The following FZD3 variants were observed in gnomAD, a reference collection of about 807,000 sequenced individuals.
The protein encoded by FZD3 is frizzled class receptor 3.
A neutral mutation model predicts 60.7 loss-of-function variants in FZD3; 30 were observed. That is an observed-to-expected ratio of 0.49 (90% CI 0.37 to 0.67). The LOEUF is 0.67. FZD3 is among the 30% of genes least tolerant of loss of function. The probability of loss-of-function intolerance (pLI) is 0.00; values close to 1 mark genes in which losing one functional copy is unlikely to be tolerated. For synonymous variants in FZD3, 246 were observed against 275.2 expected, an observed-to-expected ratio of 0.89 and a Z score of 1.05; for missense variants, 605 against 838.7, an observed-to-expected ratio of 0.72 and a Z score of 3.44.
At chr8:28,511,254 G>A (rs555502611) in intron 3 of FZD3, among the ~76,000 whole-genome samples, 4 of 152,156 alleles carry the variant, frequency 2.6e-5, no homozygotes, top group South Asian at 4.2e-4. Context: ...TTGGGAGGCC[G>A]AGGCAGGCGG....
chr8:28,519,396 G>T (rs1804512986), intron 3 of FZD3, among the ~76,000 whole-genome samples: 1 of 151,990 alleles, frequency 6.6e-6, no homozygotes, highest in Non-Finnish European at 1.5e-5. Context: ...TACAGCATTA[G>T]TTTGTTTACA....
chr8:28,558,003 G>A (rs1220637301), intron 7 of FZD3, among the ~76,000 whole-genome samples: 1 of 152,182 alleles, frequency 6.6e-6, no homozygotes, highest in East Asian at 1.9e-4. Flanking sequence ...GGATTCAGAG[G>A]AGGCAGTTGG....
intron 3 of FZD3, among the ~76,000 whole-genome samples, chr8:28,513,514 T>C (rs1299243597): frequency 6.6e-6 from 1 of 152,230 alleles, no homozygotes; most frequent in Non-Finnish European, 1.5e-5. Flanking sequence ...CCTATGGGAT[T>C]AAAGGCGTTT....
At position 28,564,816 on chromosome 8, in the gene FZD3, C is replaced by T. The variant is rs1478224965; in HGVS notation, c.*1805C>T. On this transcript the variant is annotated 3_prime_UTR_variant, in exon 8 of 8. Coordinates refer to ENST00000240093, the MANE Select transcript of FZD3 (RefSeq NM_017412.4). The stretch of plus-strand genomic sequence containing the variant: ...TGCTATTATAGTTTATGACCTTTAA[C>T]AATTTAACTCTCCGAGCCTCAGTTC... The T allele has an allele frequency of 1.3e-5, 2 of 152,312 alleles. No homozygotes were observed. Among genetic ancestry groups the T allele is most frequent in the East Asian group, 3.9e-4 (2 of 5,188 alleles). The allele number at this position is 152,312 out of a possible 1,614,324, so 9.4% of individuals were successfully genotyped here.
chr8:28,504,728 T>G (rs764459837), intron 3 of FZD3, among the ~76,000 whole-genome samples: 1 of 152,248 alleles, frequency 6.6e-6, no homozygotes. Flanking sequence ...TTCACAAATA[T>G]TAATTCTACT....
At chr8:28,526,192 T>TACAC (rs10685591) in intron 4 of FZD3, among the ~76,000 whole-genome samples, 1,954 of 151,050 alleles carry the variant, frequency 0.013, 20 homozygotes, top group African/African-American at 0.029. Context: ...TTAATGTTTA[T>TACAC]ACACACACAC....
intron 3 of FZD3, among the ~76,000 whole-genome samples, chr8:28,515,161 G>A (rs575064564): frequency 1.3e-5 from 2 of 152,322 alleles, no homozygotes; most frequent in South Asian, 4.1e-4. Flanking sequence ...GATAATATGT[G>A]TAAGGCATTT....
At chr8:28,512,758 T>C (rs1371658563) in intron 3 of FZD3, among the ~76,000 whole-genome samples, 1 of 152,102 alleles carries the variant, frequency 6.6e-6, no homozygotes, top group Non-Finnish European at 1.5e-5. Flanking sequence ...AGAGAGAATA[T>C]GTTGAAGGAG....
chr8:28,532,980 A>C (rs939995885), intron 5 of FZD3, among the ~76,000 whole-genome samples: 6 of 152,206 alleles, frequency 3.9e-5, no homozygotes, highest in Non-Finnish European at 8.8e-5. Flanking sequence ...GATTTTTGTA[A>C]GTTACCATTT....
At chr8:28,521,311 A>C (rs1161889194) in intron 4 of FZD3, among the ~76,000 whole-genome samples, 2 of 152,168 alleles carry the variant, frequency 1.3e-5, no homozygotes, top group African/African-American at 4.8e-5. Context: ...CAGTATATCG[A>C]CTATAAGCAT....
Position 28,559,211 on chromosome 8 carries a change from A to G in FZD3, c.1787+3240A>G, listed in dbSNP as rs189453024. 2.6e-5 allele frequency among the ~76,000 whole-genome samples: 4 copies of G among 152,292 alleles called. No individual in the cohort carries two copies. In the East Asian group the frequency reaches 7.7e-4, roughly 29 times the overall value. On this transcript the variant is annotated intron_variant, in intron 7 of 7. Coordinates refer to ENST00000240093, the MANE Select transcript of FZD3 (RefSeq NM_017412.4). Reference sequence around the variant, plus strand: ...TAAGAAAGTTTACAATCATCAATATAAGGTAGTTGGCAATTAAAATTGTGA... The same window carrying G: ...TAAGAAAGTTTACAATCATCAATATGAGGTAGTTGGCAATTAAAATTGTGA...
chr8:28,519,645 G>A (rs1351679993), intron 3 of FZD3, among the ~76,000 whole-genome samples: 3 of 150,590 alleles, frequency 2.0e-5, no homozygotes, highest in Non-Finnish European at 3.0e-5. Context: ...TGGGAGGATT[G>A]TTTGAGCCTA....
rs1563411045 is a variant in FZD3, at chr8:28,567,094, G to C, written c.*4083G>C. 6.6e-6 allele frequency: 1 copy of C among 152,126 alleles called. No homozygotes were observed. The highest frequency in any genetic ancestry group is 2.4e-5 in the African/African-American group (1 of 41,378). The allele number at this position is 152,126 out of a possible 1,614,324, so 9.4% of individuals were successfully genotyped here. On this transcript the variant is annotated 3_prime_UTR_variant, in exon 8 of 8. Coordinates refer to ENST00000240093, the MANE Select transcript of FZD3 (RefSeq NM_017412.4). ...ACTCCTAGGCTCAAGCAGTCCTCCAGCTTCAGCCTCCCAAGTAGCTAAGAC... is the reference window on the plus strand; with the variant it reads ...ACTCCTAGGCTCAAGCAGTCCTCCACCTTCAGCCTCCCAAGTAGCTAAGAC...
intron 5 of FZD3, among the ~76,000 whole-genome samples, chr8:28,550,594 C>T (rs973423798): frequency 4.1e-5 from 6 of 145,010 alleles, no homozygotes; most frequent in Non-Finnish European, 6.0e-5. Context: ...CTGGTTCAAG[C>T]GATTCTCCTA....
chr8:28,503,083 A>G lies in FZD3; in HGVS notation c.70A>G (p.Ser24Gly). The G allele has an allele frequency of 1.2e-6, 2 of 1,613,724 alleles. No homozygotes were observed. The highest frequency in any genetic ancestry group is 1.7e-6 in the Non-Finnish European group (2 of 1,179,636). Reference sequence around the variant, plus strand: ...GTTCATGGGGCATATAGGTGGGCACAGTTTGTTTTCTTGTGAACCTATTAC... The same window carrying G: ...GTTCATGGGGCATATAGGTGGGCACGGTTTGTTTTCTTGTGAACCTATTAC... ...TVFMGHIGGHSLFSCEPITLR... is the reference protein window; with the variant it reads ...TVFMGHIGGHGLFSCEPITLR... The change falls in exon 3 of 8, where the codon AGT becomes GGT. Residue 24 changes from serine (S) to glycine (G), a missense_variant. Coordinates refer to ENST00000240093, the MANE Select transcript of FZD3 (RefSeq NM_017412.4).
At chr8:28,498,856 TGCCCAGCCAGG>T (rs1169454861) in intron 1 of FZD3, among the ~76,000 whole-genome samples, 1 of 152,254 alleles carries the variant, frequency 6.6e-6, no homozygotes, top group Non-Finnish European at 1.5e-5. Flanking sequence ...TGAGCCACTG[TGCCCAGCCAGG>T]AATGTTTATC....
At chr8:28,546,509 T>C (rs928043444) in intron 5 of FZD3, among the ~76,000 whole-genome samples, 4 of 152,198 alleles carry the variant, frequency 2.6e-5, no homozygotes, top group African/African-American at 9.6e-5. Context: ...AATCCCCTAT[T>C]GTTGACCTGT....
chr8:28,549,362 G>T (rs1454594204), intron 5 of FZD3, among the ~76,000 whole-genome samples: 1 of 152,088 alleles, frequency 6.6e-6, no homozygotes, highest in Non-Finnish European at 1.5e-5. Flanking sequence ...GGTAAATGAA[G>T]AATTTTCTTT....
rs1016247223 is a variant in FZD3 at position 28,563,494 on chromosome 8, G to T, written c.*483G>T. ...ATTTCCACTAAGTGAAAAAAGAACT[G>T]TGTTTTTAAACTGTAGGAGAATTTA... On this transcript the variant is annotated 3_prime_UTR_variant, in exon 8 of 8. Coordinates refer to ENST00000240093, the MANE Select transcript of FZD3 (RefSeq NM_017412.4). The T allele has an allele frequency of 6.3e-6, 1 of 157,508 alleles. No homozygotes were observed. The highest frequency in any genetic ancestry group is 1.4e-5 in the Non-Finnish European group (1 of 71,284). The allele number at this position is 157,508 out of a possible 1,614,324, so 9.8% of individuals were successfully genotyped here. A position where few individuals can be genotyped will look rare whatever the true frequency, so the allele number is the denominator to read the frequency against.
Sources: allele counts gnomAD v4.1 joint callset (sites outside exome capture counted in the v4.1 genomes callset), GRCh38; gene constraint gnomAD v4.1.1; transcripts MANE v1.5; gene names NCBI Gene and HGNC (gene_info 2026-07-23, HGNC 2026-07-21).